FAM169A: variants seen among roughly 807,000 people sequenced by gnomAD.
FAM169A encodes family with sequence similarity 169 member A.
A neutral mutation model predicts 75.7 loss-of-function variants in FAM169A; 24 were observed. The observed-to-expected ratio is 0.32, with a 90% CI of 0.23 to 0.45. The LOEUF is 0.45. FAM169A is among the 20% of genes least tolerant of loss of function. FAM169A has a pLI of 1.00. For missense variants in FAM169A, 673 were observed against 784.0 expected, an observed-to-expected ratio of 0.86 and a Z score of 1.69; for synonymous variants, 271 against 271.0, an observed-to-expected ratio of 1.00 and a Z score of 0.00.
intron 1 of FAM169A, among the ~76,000 whole-genome samples, chr5:74,863,065 C>A (rs1018468556): frequency 6.7e-6 from 1 of 148,792 alleles, no homozygotes; most frequent in East Asian, 1.9e-4. Flanking sequence ...AATCTAGGTA[C>A]GTCACAAACT....
rs1288037093 is a variant in FAM169A at position 74,799,485 on chromosome 5, C to A, written c.1103+1395G>T. The A allele has an allele frequency of 2.0e-5, 32 of 1,601,838 alleles. No homozygotes were observed. In the Admixed American group the frequency reaches 4.7e-4, roughly 23 times the overall value. On this transcript the variant is annotated intron_variant, in intron 10 of 12. Transcript: ENST00000687041. ...TGCTGGCAGCAGGATCATGTGACTT[C>A]AAACACAGAGTGTTTTCTTCCTACA...
chr5:74,866,507 C>G (rs1205073520), upstream of FAM169A: 1 of 640,320 alleles, frequency 1.6e-6, no homozygotes, highest in Non-Finnish European at 1.9e-6. Context: ...TGCCTCCCTC[C>G]AGCCCCGGCT....
At position 74,777,824 on chromosome 5, in the gene FAM169A, T is replaced by TAAGA. The variant is rs1745198950; in HGVS notation, c.*3632_*3635dup. On this transcript the variant is annotated 3_prime_UTR_variant, in exon 13 of 13. Coordinates refer to ENST00000687041, the MANE Select transcript of FAM169A (RefSeq NM_001376049.1). The stretch of plus-strand genomic sequence containing the variant: ...AAGAAAACAAACATAGGTACTCCAG[T>TAAGA]AAGACTTGCTACTCTGAATAATGTA... 1 of 152,074 alleles carries TAAGA rather than the reference T, an allele frequency of 6.6e-6. No individual in the cohort carries two copies. Among genetic ancestry groups the TAAGA allele is most frequent in the Non-Finnish European group, 1.5e-5 (1 of 67,934 alleles). The allele number at this position is 152,074 out of a possible 1,614,324, so 9.4% of individuals were successfully genotyped here. A position where few individuals can be genotyped will look rare whatever the true frequency, so the allele number is the denominator to read the frequency against.
chr5:74,813,769 C>T, intron 6 of FAM169A, 71 bp downstream of exon 6: 3 of 1,195,342 alleles, frequency 2.5e-6, no homozygotes, highest in South Asian at 1.9e-5. Flanking sequence ...TACACATTTA[C>T]CGTATTTTGA....
chr5:74,818,770 GCT>G (rs375359690), intron 5 of FAM169A, among the ~76,000 whole-genome samples: 2,359 of 134,170 alleles, frequency 0.018, 66 homozygotes, highest in African/African-American at 0.053. Context: ...CGGTTTCACA[GCT>G]CTCTCTCTCT....
At chr5:74,823,612 C>G (rs1747871074) in intron 5 of FAM169A, among the ~76,000 whole-genome samples, 2 of 152,220 alleles carry the variant, frequency 1.3e-5, no homozygotes, top group South Asian at 4.1e-4. Flanking sequence ...CTTTGTGTTT[C>G]CACTAAAGTC....
Position 74,866,280 on chromosome 5 carries a change from C to T in FAM169A, c.-119G>A, listed in dbSNP as rs906573904. 247 of 984,052 alleles carry T rather than the reference C, an allele frequency of 2.5e-4. No individual in the cohort carries two copies. The highest frequency in any genetic ancestry group is 2.9e-4 in the Non-Finnish European group (239 of 829,380). 61.0% of individuals were successfully genotyped at this position (984,052 alleles called of 1,614,324 possible). ...CTCCGGCCGGTCCCAGGCCGCACAGCTCGCGGCTGCCAGGGCGAGTGCGGC... is the reference window on the plus strand; with the variant it reads ...CTCCGGCCGGTCCCAGGCCGCACAGTTCGCGGCTGCCAGGGCGAGTGCGGC... On this transcript the variant is annotated 5_prime_UTR_variant, in exon 1 of 13. Coordinates refer to ENST00000687041, the MANE Select transcript of FAM169A (RefSeq NM_001376049.1).
rs769244317 is a variant in FAM169A, at chr5:74,778,278, T to C, written c.*3182A>G. On this transcript the variant is annotated 3_prime_UTR_variant, in exon 13 of 13. Coordinates refer to ENST00000687041, the MANE Select transcript of FAM169A (RefSeq NM_001376049.1). ...AATACTGTAACACAGATGAGTAATA[T>C]TAGTATAAATTTTTTATGTACATTA... is the stretch of plus-strand genomic sequence containing the variant. The C allele has an allele frequency of 2.6e-5, 4 of 151,984 alleles. No individual in the cohort carries two copies. Among genetic ancestry groups the C allele is most frequent in the Non-Finnish European group, 5.9e-5 (4 of 67,886 alleles). The allele number at this position is 151,984 out of a possible 1,614,324, so 9.4% of individuals were successfully genotyped here.
chr5:74,804,882 G>A (rs565128038), intron 7 of FAM169A, among the ~76,000 whole-genome samples: 1 of 152,288 alleles, frequency 6.6e-6, no homozygotes, highest in African/African-American at 2.4e-5. Flanking sequence ...TGCCGTTTGA[G>A]TAATCTACGT....
At chr5:74,831,568 G>A (rs913183094) in intron 5 of FAM169A, among the ~76,000 whole-genome samples, 1 of 151,988 alleles carries the variant, frequency 6.6e-6, no homozygotes, top group Non-Finnish European at 1.5e-5. Flanking sequence ...TTTCTTGTTG[G>A]GCAACCCTAA....
chr5:74,815,443 C>T (rs1162137838), intron 5 of FAM169A, among the ~76,000 whole-genome samples: 1 of 152,138 alleles, frequency 6.6e-6, no homozygotes, highest in South Asian at 2.1e-4. Context: ...TGCCCCACCT[C>T]AGCCTCCCAA....
At chr5:74,813,514 T>TA (rs1344338753) in intron 6 of FAM169A, among the ~76,000 whole-genome samples, 2 of 152,100 alleles carry the variant, frequency 1.3e-5, no homozygotes, top group African/African-American at 4.8e-5. Flanking sequence ...TTAGTAAAGA[T>TA]AGAGTTTCAT....
chr5:74,809,668 A>G (rs1221139425), intron 6 of FAM169A, among the ~76,000 whole-genome samples: 2 of 152,178 alleles, frequency 1.3e-5, no homozygotes, highest in Non-Finnish European at 2.9e-5. Context: ...AGATGTGAAC[A>G]AACACTTTAC....
intron 4 of FAM169A, among the ~76,000 whole-genome samples, chr5:74,835,798 C>G (rs1748545113): frequency 6.6e-6 from 1 of 152,086 alleles, no homozygotes. Flanking sequence ...CAATAGCTTC[C>G]AAGACAACCC....
intron 7 of FAM169A, 78 bp downstream of exon 7, chr5:74,805,078 C>G: frequency 7.8e-7 from 1 of 1,276,474 alleles, no homozygotes; most frequent in Non-Finnish European, 1.1e-6. Flanking sequence ...GCTTTTTAAA[C>G]TGGACTTATG....
chr5:74,830,769 A>C (rs1453659339), intron 5 of FAM169A, among the ~76,000 whole-genome samples: 2 of 152,180 alleles, frequency 1.3e-5, no homozygotes, highest in Non-Finnish European at 2.9e-5. Flanking sequence ...ATAATGTCTG[A>C]AAATTAACCT....
chr5:74,843,467 G>A (rs1046327384), intron 1 of FAM169A, among the ~76,000 whole-genome samples: 2 of 152,160 alleles, frequency 1.3e-5, no homozygotes, highest in Non-Finnish European at 2.9e-5. Context: ...TTAAAACAAT[G>A]TGATACAGGC....
intron 10 of FAM169A, among the ~76,000 whole-genome samples, chr5:74,797,330 C>T (rs1746331217): frequency 6.6e-6 from 1 of 152,138 alleles, no homozygotes; most frequent in South Asian, 2.1e-4. Flanking sequence ...AAGTGTGCCA[C>T]CACGCCCGGC....
rs1221719078 is a variant in FAM169A at position 74,866,191 on chromosome 5, A to C, written c.-30T>G. The C allele has an allele frequency of 5.1e-6, 5 of 984,070 alleles. No individual in the cohort carries two copies. The highest frequency in any genetic ancestry group is 6.2e-5 in the Admixed American group (1 of 16,156). 61.0% of individuals were successfully genotyped at this position (984,070 alleles called of 1,614,324 possible). ...TCAGACGCGCCCCGGGAGCCGCTGG[A>C]AGAGCCCGGGAAAGGAGGCGGAGCC... is the stretch of plus-strand genomic sequence containing the variant. On this transcript the variant is annotated 5_prime_UTR_variant, in exon 1 of 13. Coordinates refer to ENST00000687041, the MANE Select transcript of FAM169A (RefSeq NM_001376049.1).
Sources: gnomAD v4.1 joint callset for allele counts (sites outside exome capture counted in the v4.1 genomes callset) on GRCh38, gnomAD v4.1.1 for gene constraint, MANE v1.5 for transcripts, NCBI Gene and HGNC (gene_info 2026-07-23, HGNC 2026-07-21) for gene names.